The following HYDIN variants were observed in gnomAD, a reference collection of about 807,000 sequenced individuals.
The protein encoded by HYDIN is axonemal central pair apparatus protein HYDIN.
Under a neutral mutation model 403.9 loss-of-function variants are expected in HYDIN, and 132 were observed. That is an observed-to-expected ratio of 0.33 (90% CI 0.28 to 0.38). The LOEUF is 0.38. Ranked by LOEUF, HYDIN falls within the 10% of genes least tolerant of loss-of-function variation. The probability of loss-of-function intolerance (pLI) is 1.00; values close to 1 mark genes in which losing one functional copy is unlikely to be tolerated. For missense variants in HYDIN, 2,827 were observed against 5,009.5 expected, an observed-to-expected ratio of 0.56 and a Z score of 13.15; for synonymous variants, 1,202 against 1,891.7, an observed-to-expected ratio of 0.64 and a Z score of 9.46.
intron 4 of HYDIN, among the ~76,000 whole-genome samples, chr16:71,177,087 G>A (rs1252942555): frequency 2.0e-5 from 3 of 152,182 alleles, no homozygotes; most frequent in Admixed American, 2.0e-4. Flanking sequence ...GGCGTTCCTA[G>A]GATGGGACCC....
At chr16:71,153,888 C>T (rs9932494) in intron 6 of HYDIN, among the ~76,000 whole-genome samples, 53,275 of 151,926 alleles carry the variant, frequency 0.35, 9,775 homozygotes, top group East Asian at 0.57. Flanking sequence ...CCTTAAGTAA[C>T]TTAGAGAGTT....
intron 3 of HYDIN, among the ~76,000 whole-genome samples, chr16:71,179,650 C>T (rs1281458703): frequency 2.6e-5 from 4 of 152,190 alleles, no homozygotes; most frequent in Admixed American, 2.0e-4. Flanking sequence ...TTGGGCACTG[C>T]ACAACAGAAC....
intron 41 of HYDIN, among the ~76,000 whole-genome samples, chr16:70,948,577 T>C (rs1040398068): frequency 6.6e-6 from 1 of 151,710 alleles, no homozygotes; most frequent in East Asian, 1.9e-4. Flanking sequence ...GGGCTAATAT[T>C]CAGAATCTAT....
At chr16:71,102,807 A>T in intron 10 of HYDIN, among the ~76,000 whole-genome samples, 1 of 145,272 alleles carries the variant, frequency 6.9e-6, no homozygotes, top group South Asian at 2.2e-4. Context: ...TTTAGACAAA[A>T]TCTTTAGATC....
intron 84 of HYDIN, among the ~76,000 whole-genome samples, chr16:70,810,414 C>T (rs555235458): frequency 6.6e-6 from 1 of 152,204 alleles, no homozygotes; most frequent in Non-Finnish European, 1.5e-5. Flanking sequence ...AAAGCAAGAA[C>T]AGAAAGCATT....
intron 35 of HYDIN, 145 bp downstream of exon 35, chr16:70,973,198 C>G (rs557091730): frequency 1.9e-6 from 1 of 518,738 alleles, no homozygotes; most frequent in Admixed American, 3.5e-5. Flanking sequence ...CCTATGTGAA[C>G]CAGAAGTGCT....
intron 6 of HYDIN, among the ~76,000 whole-genome samples, chr16:71,157,173 C>T (rs2085805131): frequency 6.6e-6 from 1 of 151,646 alleles, no homozygotes; most frequent in Non-Finnish European, 1.5e-5. Context: ...ATAAGGGTAA[C>T]AGACATGCAA....
chr16:70,848,444 T>C (rs970411022), intron 75 of HYDIN, among the ~76,000 whole-genome samples: 12 of 151,810 alleles, frequency 7.9e-5, no homozygotes, highest in African/African-American at 2.7e-4. Context: ...AAATAATAAA[T>C]GTGGCAACTG....
intron 1 of HYDIN, among the ~76,000 whole-genome samples, chr16:71,197,200 T>A (rs2087737184): frequency 6.6e-6 from 1 of 152,208 alleles, no homozygotes; most frequent in Non-Finnish European, 1.5e-5. Flanking sequence ...AACACAGATA[T>A]GGATATGCTA....
chr16:70,947,016 T>C lies in HYDIN; in HGVS notation c.6532-3067A>G, dbSNP rs998598113. Among the ~76,000 whole-genome samples the C allele has an allele frequency of 8.2e-4, 125 of 151,896 alleles. 1 individual carries two copies. Among genetic ancestry groups the C allele is most frequent in the African/African-American group, 2.6e-3 (109 of 41,456 alleles). On this transcript the variant is annotated intron_variant, in intron 41 of 85. Transcript: ENST00000393567. Reference sequence around the variant, plus strand: ...ACAATTTGACTTCCTCTTTTCCCAATTGAATACCCTTTATTTCCTTCTCCT... The same window carrying C: ...ACAATTTGACTTCCTCTTTTCCCAACTGAATACCCTTTATTTCCTTCTCCT...
chr16:70,976,776 G>T (rs1356662858), intron 30 of HYDIN, among the ~76,000 whole-genome samples: 4 of 152,224 alleles, frequency 2.6e-5, no homozygotes. Flanking sequence ...AGGAAAAAAG[G>T]TCTAAAATGG....
intron 8 of HYDIN, among the ~76,000 whole-genome samples, chr16:71,135,591 G>A (rs2084887558): frequency 6.7e-6 from 1 of 149,474 alleles, no homozygotes; most frequent in Non-Finnish European, 1.5e-5. Flanking sequence ...ACACTACTTT[G>A]CTATTTTACT....
At chr16:71,226,770 T>C (rs751029509) in intron 1 of HYDIN, among the ~76,000 whole-genome samples, 1 of 152,180 alleles carries the variant, frequency 6.6e-6, no homozygotes, top group Non-Finnish European at 1.5e-5. Flanking sequence ...CCAGAGAGTA[T>C]AAAGGAACTG....
intron 48 of HYDIN, 106 bp from the exon 49 acceptor site, chr16:70,908,540 C>T: frequency 1.3e-6 from 2 of 1,511,188 alleles, no homozygotes; most frequent in East Asian, 2.4e-5. Flanking sequence ...GGCATGGTGG[C>T]CCCTGGAGCC....
At chr16:70,901,735 G>A (rs2938744) in intron 52 of HYDIN, among the ~76,000 whole-genome samples, 693 of 140,786 alleles carry the variant, frequency 4.9e-3, no homozygotes, top group Non-Finnish European at 5.8e-3. Flanking sequence ...ATAGGCACCC[G>A]CCACCATGCC....
intron 45 of HYDIN, among the ~76,000 whole-genome samples, chr16:70,931,109 A>G (rs1436322921): frequency 6.6e-6 from 1 of 152,202 alleles, no homozygotes; most frequent in Non-Finnish European, 1.5e-5. Flanking sequence ...AGTATCTGAA[A>G]TAAGAATTCA....
chr16:71,184,141 C>A (rs1249126616), intron 3 of HYDIN, among the ~76,000 whole-genome samples: 4 of 152,022 alleles, frequency 2.6e-5, no homozygotes, highest in African/African-American at 9.7e-5. Context: ...GCAGACAAGC[C>A]TCAAAGACTC....
intron 19 of HYDIN, among the ~76,000 whole-genome samples, chr16:71,029,196 T>C (rs2080820538): frequency 6.6e-6 from 1 of 151,668 alleles, no homozygotes; most frequent in African/African-American, 2.4e-5. Context: ...CTGTAACAGC[T>C]ACTCAACTTT....
At chr16:70,964,215 G>T (rs1045438144) in intron 37 of HYDIN, among the ~76,000 whole-genome samples, 3 of 149,056 alleles carry the variant, frequency 2.0e-5, no homozygotes, top group Non-Finnish European at 4.5e-5. Flanking sequence ...GGACTATGGA[G>T]GGGCTCGTCT....
Sources: allele counts gnomAD v4.1 joint callset (sites outside exome capture counted in the v4.1 genomes callset), GRCh38; gene constraint gnomAD v4.1.1; transcripts MANE v1.5; gene names NCBI Gene and HGNC (gene_info 2026-07-23, HGNC 2026-07-21).